Variants in SPEG observed in about 807,000 individuals in gnomAD.
The protein encoded by SPEG is striated muscle enriched protein kinase, also known as striated muscle preferentially expressed protein kinase.
Under a neutral mutation model 300.4 loss-of-function variants are expected in SPEG, and 114 were observed. That is an observed-to-expected ratio of 0.38 (90% CI 0.33 to 0.44). The LOEUF (loss-of-function observed/expected upper bound fraction) is 0.44, where lower values mean the gene tolerates loss of function less well. Ranked by LOEUF, SPEG falls within the 20% of genes least tolerant of loss-of-function variation. The probability of loss-of-function intolerance (pLI) is 1.00; values close to 1 mark genes in which losing one functional copy is unlikely to be tolerated. For synonymous variants in SPEG, 1,964 were observed against 2,018.9 expected (o/e 0.97, Z 0.73); for missense variants, 4,201 against 4,586.2 (o/e 0.92, Z 2.43).
chr2:219,444,072 C>G lies in SPEG; in HGVS notation c.389-581C>G. On this transcript the variant is annotated intron_variant, in intron 1 of 40. Coordinates refer to ENST00000312358, the MANE Select transcript of SPEG (RefSeq NM_005876.5). This position sits in a 1 kb window ranked among gnomAD's most constrained non-coding sequence, Gnocchi z 7.8. ...AAGCAAAGTTACGGTAGGAAACTGG[C>G]TCCTGCTCTAGCCCCCCGCATCCCC... The G allele has an allele frequency of 7.3e-7, 1 of 1,364,118 alleles. No homozygotes were observed. The highest frequency in any genetic ancestry group is 9.8e-7 in the Non-Finnish European group (1 of 1,020,920). 84.5% of individuals were successfully genotyped at this position (1,364,118 alleles called of 1,614,324 possible). A position where few individuals can be genotyped will look rare whatever the true frequency, so the allele number is the denominator to read the frequency against.
At chr2:219,457,762 C>T (rs1204737950) in intron 6 of SPEG, among the ~76,000 whole-genome samples, 1 of 152,208 alleles carries the variant, frequency 6.6e-6, no homozygotes, top group Admixed American at 6.5e-5. Context: ...GTGGATGCTC[C>T]ACTCCTTACT....
chr2:219,488,677 G>C lies in SPEG; in HGVS notation c.8026+12G>C. On this transcript the variant is annotated intron_variant, in intron 33 of 40. Coordinates refer to ENST00000312358, the MANE Select transcript of SPEG (RefSeq NM_005876.5). ...CGTGGCTGTGGCCCGTGAGCCTGGG[G>C]CAGGGCCCCAGGGGGGTAGTGATGG... 6.2e-7 allele frequency: 1 copy of C among 1,602,382 alleles called. No homozygotes were observed. Among genetic ancestry groups the C allele is most frequent in the Non-Finnish European group, 8.5e-7 (1 of 1,173,212 alleles).
chr2:219,444,162 G>A lies in SPEG; in HGVS notation c.389-491G>A. 1.1e-6 allele frequency: 1 copy of A among 895,450 alleles called. No homozygotes were observed. Among genetic ancestry groups the A allele is most frequent in the Non-Finnish European group, 1.6e-6 (1 of 614,784 alleles). 55.5% of individuals were successfully genotyped at this position (895,450 alleles called of 1,614,324 possible). ...CAGCTGCACCCGATGCCTTGCAGCT[G>A]GTTTGGGGTAGAGGACAGGCTGGCC... On this transcript the variant is annotated intron_variant, in intron 1 of 40. Coordinates refer to ENST00000312358, the MANE Select transcript of SPEG (RefSeq NM_005876.5). This position sits in a 1 kb window ranked among gnomAD's most constrained non-coding sequence, Gnocchi z 7.8.
chr2:219,440,791 G>C (rs139805995), intron 1 of SPEG, among the ~76,000 whole-genome samples: 244 of 152,232 alleles, frequency 1.6e-3, no homozygotes, highest in African/African-American at 5.8e-3. Context: ...TCCTCTTGTC[G>C]TGAGGATTAA....
At chr2:219,461,610 C>T in intron 6 of SPEG, 1 of 1,052,298 alleles carries the variant, frequency 9.5e-7, no homozygotes, top group Non-Finnish European at 1.3e-6. Context: ...CCCTCTGCTG[C>T]CCGAACCCTT....
intron 15 of SPEG, among the ~76,000 whole-genome samples, 181 bp downstream of exon 15, chr2:219,472,512 G>A (rs1691975269): frequency 6.6e-6 from 1 of 152,206 alleles, no homozygotes; most frequent in Non-Finnish European, 1.5e-5. Context: ...TGCTCTGGGT[G>A]AGGAGAGGAG....
chr2:219,456,563 G>A (rs555560471), intron 6 of SPEG, among the ~76,000 whole-genome samples: 1 of 152,342 alleles, frequency 6.6e-6, no homozygotes, highest in Admixed American at 6.5e-5. Context: ...CTCATTTACT[G>A]TTGTTGCAGC....
At position 219,445,101 on chromosome 2, in the gene SPEG, C is replaced by T; in HGVS notation, c.755C>T (p.Ala252Val). 1 of 1,601,166 alleles carries T rather than the reference C, an allele frequency of 6.2e-7. No homozygotes were observed. Among genetic ancestry groups the T allele is most frequent in the Non-Finnish European group, 8.5e-7 (1 of 1,174,182 alleles). The stretch of plus-strand genomic sequence containing the variant: ...GGGTCAGAGGATAGCCTTTCCGTGG[C>T]CAGTGACCTGTACGGCAGCGCATTC... ...SWGSEDSLSV[A>V]SDLYGSAFSL... is the part of the protein sequence containing the mutation. Residue 252 changes from alanine to valine, a missense_variant, in exon 3 of 41, where the codon GCC becomes GTC. Physicochemically the swap from Ala to Val is moderately conservative, Grantham distance 64. Around this residue, in one of 4 missense-constraint regions of SPEG, gnomAD observed 1,258 missense variants for 1,293.9 expected, o/e 0.97. Coordinates refer to ENST00000312358, the MANE Select transcript of SPEG (RefSeq NM_005876.5). This position sits in a 1 kb window ranked among gnomAD's most constrained non-coding sequence, Gnocchi z 6.1.
rs778426196 is a variant in SPEG, at chr2:219,492,206, A to G, written c.9557A>G (p.Asn3186Ser). The G allele has an allele frequency of 2.5e-6, 4 of 1,613,614 alleles. No individual in the cohort carries two copies. The highest frequency in any genetic ancestry group is 2.2e-5 in the East Asian group (1 of 44,862). ...TTTGATGCCTTCCAGCTGTACCCCA[A>G]TACATCCCAGAGCGCCACCCTCTTC... ...GRFDAFQLYP[N>S]TSQSATLFLR... The change falls in exon 40 of 41, where the codon AAT becomes AGT. Residue 3186 changes from asparagine (N) to serine (S), a missense_variant. Around this residue, in one of 4 missense-constraint regions of SPEG, gnomAD observed 318 missense variants for 429.5 expected, o/e 0.74. Coordinates refer to ENST00000312358, the MANE Select transcript of SPEG (RefSeq NM_005876.5).
At chr2:219,466,063 G>T in intron 9 of SPEG, 1 of 1,604,322 alleles carries the variant, frequency 6.2e-7, no homozygotes. Flanking sequence ...ACAGGCGAGT[G>T]AGCTCAGGGG....
chr2:219,434,870 A>ACGTGCGGCTGCGGGTGGTGGTGAGC lies in SPEG; in HGVS notation c.-108_-107insCGTGCGGCTGCGGGTGGTGGTGAGC. 1 of 706,558 alleles carries ACGTGCGGCTGCGGGTGGTGGTGAGC rather than the reference A, an allele frequency of 1.4e-6. No individual in the cohort carries two copies. The highest frequency in any genetic ancestry group is 2.2e-6 in the Non-Finnish European group (1 of 462,718). The allele number at this position is 706,558 out of a possible 1,614,324, so 43.8% of individuals were successfully genotyped here. A position where few individuals can be genotyped will look rare whatever the true frequency, so the allele number is the denominator to read the frequency against. Reference sequence around the variant, plus strand: ...CACAGGCCGAAGGCGGGCGGGCAGCAGGAAGGCAGGCCGCCGGCCCCCCAG... The same window carrying ACGTGCGGCTGCGGGTGGTGGTGAGC: ...CACAGGCCGAAGGCGGGCGGGCAGCACGTGCGGCTGCGGGTGGTGGTGAGCGGAAGGCAGGCCGCCGGCCCCCCAG... On this transcript the variant is annotated 5_prime_UTR_variant, in exon 1 of 41. Transcript: ENST00000312358.
intron 1 of SPEG, among the ~76,000 whole-genome samples, chr2:219,435,746 C>G (rs1954702226): frequency 6.6e-6 from 1 of 152,244 alleles, no homozygotes; most frequent in Non-Finnish European, 1.5e-5. Context: ...CTCCGATCAG[C>G]TCCTTAACAG....
At chr2:219,486,492 A>C (rs927256674) in intron 31 of SPEG, among the ~76,000 whole-genome samples, 1 of 151,796 alleles carries the variant, frequency 6.6e-6, no homozygotes, top group East Asian at 1.9e-4. Flanking sequence ...AGAGAAAAGG[A>C]TGGAGGGAAG....
At position 219,468,018 on chromosome 2, in the gene SPEG, G is replaced by C. The variant is rs537183553; in HGVS notation, c.3143-560G>C. The stretch of plus-strand genomic sequence containing the variant: ...GAGATTATGGCACCTGCCTTGCTAC[G>C]TTGTGGGTGATGAAGACCTAAGCGG... On this transcript the variant is annotated intron_variant, in intron 10 of 40. Coordinates refer to ENST00000312358, the MANE Select transcript of SPEG (RefSeq NM_005876.5). Among the ~76,000 whole-genome samples the C allele has an allele frequency of 1.1e-3, 172 of 152,348 alleles. No individual in the cohort carries two copies. The Middle Eastern group carries it at 0.02, about 18-fold the overall frequency.
rs1692056086 is a variant in SPEG at position 219,473,304 on chromosome 2, C to T, written c.4148-200C>T. The T allele has an allele frequency of 1.3e-6, 1 of 741,154 alleles. No individual in the cohort carries two copies. The highest frequency in any genetic ancestry group is 2.7e-5 in the East Asian group (1 of 36,986). The allele number at this position is 741,154 out of a possible 1,614,324, so 45.9% of individuals were successfully genotyped here. On this transcript the variant is annotated intron_variant, in intron 16 of 40. Transcript: ENST00000312358. The surrounding 1 kb of genome is among the most constrained non-coding windows in gnomAD (Gnocchi z 4.6). ...TGAAGCTCAGGCTTTGGGATCGGGC[C>T]TGCTGGGGTCCAACCCCACAACCTC... is the stretch of plus-strand genomic sequence containing the variant.
In SPEG at chr2:219,484,736, C is replaced by G; in HGVS notation, c.7273C>G (p.Arg2425Gly). Reference protein sequence around the residue: ...QRLRRTPPAQRHPAWEARGGD... With the variant: ...QRLRRTPPAQGHPAWEARGGD... ...GCTGCGGCGGACCCCTCCCGCGCAG[C>G]GCCACCCGGCCTGGGAGGCCCGCGG... The change falls in exon 30 of 41, where the codon CGC becomes GGC. Residue 2425 changes from arginine to glycine, a missense_variant. By Grantham distance (125) the Arg-to-Gly change is moderately radical. Transcript: ENST00000312358. 4 of 1,482,950 alleles carry G rather than the reference C, an allele frequency of 2.7e-6. No individual in the cohort carries two copies. Among genetic ancestry groups the G allele is most frequent in the Non-Finnish European group, 3.5e-6 (4 of 1,128,100 alleles). 91.9% of individuals were successfully genotyped at this position (1,482,950 alleles called of 1,614,324 possible).
Position 219,435,271 on chromosome 2 carries a change from C to A in SPEG, c.294C>A (p.Cys98Ter). 6.7e-7 allele frequency: 1 copy of A among 1,494,642 alleles called. No homozygotes were observed. The highest frequency in any genetic ancestry group is 2.2e-5 in the Admixed American group (1 of 44,944). The allele number at this position is 1,494,642 out of a possible 1,614,324, so 92.6% of individuals were successfully genotyped here. The change falls in exon 1 of 41, where the codon TGC becomes TGA. Residue 98 changes from cysteine (C) to a stop codon, truncating the protein, a stop_gained. Transcript: ENST00000312358. LOFTEE classifies it high-confidence loss of function. ...CCAGCTGCCTGTGGCTGCGGCGCTG[C>A]GGGGCGCAGGACGCCGGCGTGTACA... ...PEPSCLWLRRCGAQDAGVYSC... is the reference protein window; with the variant it reads ...PEPSCLWLRR
At position 219,464,657 on chromosome 2, in the gene SPEG, C is replaced by T. The variant is rs1575107964; in HGVS notation, c.2881+49C>T. 2 of 1,571,730 alleles carry T rather than the reference C, an allele frequency of 1.3e-6. No individual in the cohort carries two copies. The highest frequency in any genetic ancestry group is 1.7e-6 in the Non-Finnish European group (2 of 1,145,418). ...ATGCCCACCTGGCCCTGGCCCCTTCCTTCCCCCACTGTCTGCTCTCACACA... is the reference window on the plus strand; with the variant it reads ...ATGCCCACCTGGCCCTGGCCCCTTCTTTCCCCCACTGTCTGCTCTCACACA... On this transcript the variant is annotated intron_variant, in intron 9 of 40. Coordinates refer to ENST00000312358, the MANE Select transcript of SPEG (RefSeq NM_005876.5). This position sits in a 1 kb window ranked among gnomAD's most constrained non-coding sequence, Gnocchi z 4.5.
Position 219,444,641 on chromosome 2 carries a change from C to A in SPEG, c.389-12C>A, listed in dbSNP as rs754704431. On this transcript the variant is annotated splice_polypyrimidine_tract_variant and intron_variant, in intron 1 of 40. Coordinates refer to ENST00000312358, the MANE Select transcript of SPEG (RefSeq NM_005876.5). The surrounding 1 kb of genome is among the most constrained non-coding windows in gnomAD (Gnocchi z 7.8). ...AGGAGGGCCCTGCCCACACAGACCC[C>A]TTCTTCTCCAGACTCAGAGACGGCT... 8.1e-6 allele frequency: 13 copies of A among 1,613,120 alleles called. No homozygotes were observed. In the South Asian group the frequency reaches 1.4e-4, roughly 18 times the overall value.
Sources: allele counts gnomAD v4.1 joint callset (sites outside exome capture counted in the v4.1 genomes callset), GRCh38; gene constraint gnomAD v4.1.1; regional missense constraint gnomAD v4.1.1; non-coding constraint Gnocchi (gnomAD v3.1); transcripts MANE v1.5; gene names NCBI Gene and HGNC (gene_info 2026-07-23, HGNC 2026-07-21).